The following UHRF2 variants were observed in gnomAD, a reference collection of about 807,000 sequenced individuals.
UHRF2 encodes ubiquitin like with PHD and ring finger domains 2, also known as E3 ubiquitin-protein ligase UHRF2.
UHRF2 carries 23 observed loss-of-function variants against 96.8 expected under a neutral mutation model. That is an observed-to-expected ratio of 0.24 (90% confidence interval 0.17 to 0.34). The LOEUF (loss-of-function observed/expected upper bound fraction) is 0.34, where lower values mean the gene tolerates loss of function less well. Among genes scored for constraint, UHRF2 ranks in the 10% least tolerant of loss-of-function variants. The pLI, the probability that UHRF2 is intolerant of heterozygous loss-of-function variation, is 1.00. For missense variants in UHRF2, 685 were observed against 981.5 expected, an observed-to-expected ratio of 0.70 and a Z score of 4.04; for synonymous variants, 385 against 332.6, an observed-to-expected ratio of 1.16 and a Z score of -1.72.
intron 1 of UHRF2, among the ~76,000 whole-genome samples, chr9:6,416,558 T>TC (rs1193298368): frequency 1.3e-5 from 2 of 148,694 alleles, no homozygotes; most frequent in Non-Finnish European, 3.0e-5. Context: ...TTTTTTTTTT[T>TC]TTGAGACGGA....
At chr9:6,431,541 A>G (rs1399625541) in intron 2 of UHRF2, among the ~76,000 whole-genome samples, 1 of 152,104 alleles carries the variant, frequency 6.6e-6, no homozygotes, top group African/African-American at 2.4e-5. Flanking sequence ...AGCTGTGATC[A>G]CACCACTGCA....
intron 7 of UHRF2, 81 bp downstream of exon 7, chr9:6,481,847 A>G (rs1823946862): frequency 1.3e-6 from 2 of 1,554,316 alleles, no homozygotes; most frequent in South Asian, 1.2e-5. Flanking sequence ...TAATGGTATA[A>G]AAGATTAAAC....
intron 3 of UHRF2, among the ~76,000 whole-genome samples, chr9:6,442,773 G>T (rs560018193): frequency 1.3e-4 from 20 of 152,082 alleles, no homozygotes; most frequent in African/African-American, 4.8e-4. Flanking sequence ...GTACAGGCCT[G>T]AGCCACTGTG....
chr9:6,486,395 C>G (rs768699780), intron 8 of UHRF2, among the ~76,000 whole-genome samples: 8 of 152,190 alleles, frequency 5.3e-5, no homozygotes, highest in Non-Finnish European at 1.2e-4. Flanking sequence ...ATAACTCCTG[C>G]ATTTTTGACT....
At chr9:6,471,567 C>T (rs1258386081) in intron 4 of UHRF2, among the ~76,000 whole-genome samples, 2 of 152,178 alleles carry the variant, frequency 1.3e-5, no homozygotes, top group African/African-American at 4.8e-5. Context: ...AAGCCAGTTG[C>T]ATGTGATGAG....
At chr9:6,419,160 C>G (rs1279115413) in intron 1 of UHRF2, among the ~76,000 whole-genome samples, 1 of 152,102 alleles carries the variant, frequency 6.6e-6, no homozygotes, top group Non-Finnish European at 1.5e-5. Flanking sequence ...AGGACTTTAA[C>G]AAAAAAATTT....
intron 1 of UHRF2, among the ~76,000 whole-genome samples, chr9:6,419,607 C>A (rs1475660587): frequency 6.6e-6 from 1 of 152,096 alleles, no homozygotes; most frequent in African/African-American, 2.4e-5. Flanking sequence ...CATAAAACAA[C>A]TTTGAAAATT....
At chr9:6,475,221 A>G (rs921368133) in intron 4 of UHRF2, among the ~76,000 whole-genome samples, 170 bp from the exon 5 acceptor site, 2 of 152,144 alleles carry the variant, frequency 1.3e-5, no homozygotes, top group Admixed American at 6.5e-5. Flanking sequence ...ACTAATCACT[A>G]TGGACTTTTC....
chr9:6,455,935 A>G (rs1388414853), intron 3 of UHRF2, among the ~76,000 whole-genome samples: 2 of 152,198 alleles, frequency 1.3e-5, no homozygotes, highest in East Asian at 3.9e-4. Flanking sequence ...AGCGGGCATG[A>G]TCACACCACT....
chr9:6,493,705 G>T, intron 9 of UHRF2, 121 bp from the exon 10 acceptor site: 2 of 791,100 alleles, frequency 2.5e-6, no homozygotes, highest in Non-Finnish European at 2.0e-6. Flanking sequence ...TATTTTGGGA[G>T]ATGCCTCAAG....
intron 3 of UHRF2, among the ~76,000 whole-genome samples, chr9:6,443,046 T>C (rs1821272694): frequency 6.6e-6 from 1 of 152,178 alleles, no homozygotes; most frequent in South Asian, 2.1e-4. Flanking sequence ...TCTATAAGAA[T>C]AAAAGTAAGC....
intron 2 of UHRF2, 40 bp from the exon 3 acceptor site, chr9:6,433,874 C>G: frequency 3.8e-6 from 6 of 1,576,592 alleles, no homozygotes; most frequent in South Asian, 2.3e-5. Context: ...AAGCAGTAGA[C>G]AAAATTAAGC....
At chr9:6,436,921 T>C (rs1820884689) in intron 3 of UHRF2, among the ~76,000 whole-genome samples, 1 of 152,168 alleles carries the variant, frequency 6.6e-6, no homozygotes. Context: ...GAACTTTCTT[T>C]GAAAAATGAA....
chr9:6,420,666 C>G (rs1819877524), intron 1 of UHRF2, among the ~76,000 whole-genome samples: 1 of 149,746 alleles, frequency 6.7e-6, no homozygotes. Context: ...AAGATCGTGC[C>G]ACTGCCCTCC....
intron 3 of UHRF2, among the ~76,000 whole-genome samples, chr9:6,454,267 A>G (rs1454999854): frequency 6.6e-6 from 1 of 152,248 alleles, no homozygotes; most frequent in African/African-American, 2.4e-5. Context: ...AAAATAGAAC[A>G]TCTTTTGAGT....
At chr9:6,491,645 T>A (rs983123048) in intron 9 of UHRF2, among the ~76,000 whole-genome samples, 1 of 152,252 alleles carries the variant, frequency 6.6e-6, no homozygotes, top group African/African-American at 2.4e-5. Context: ...ATGGCAAGAA[T>A]GTGAGCATCC....
At position 6,430,098 on chromosome 9, in the gene UHRF2, C is replaced by T. The variant is rs138563954; in HGVS notation, c.385-3816C>T. 9.0e-3 allele frequency among the ~76,000 whole-genome samples: 1,371 copies of T among 152,362 alleles called. 14 individuals are homozygous for T. Among genetic ancestry groups the T allele is most frequent in the Non-Finnish European group, 0.015 (1,035 of 68,026 alleles). On this transcript the variant is annotated intron_variant, in intron 2 of 15. Coordinates refer to ENST00000276893, the MANE Select transcript of UHRF2 (RefSeq NM_152896.3). ...CAATATTGGCCCATTACAACCTCCACCTCCTGGGTTCAAGTGATTGTCCTG... is the reference window on the plus strand; with the variant it reads ...CAATATTGGCCCATTACAACCTCCATCTCCTGGGTTCAAGTGATTGTCCTG...
chr9:6,429,170 A>G (rs1820436665), intron 2 of UHRF2, among the ~76,000 whole-genome samples: 1 of 151,790 alleles, frequency 6.6e-6, no homozygotes, highest in Non-Finnish European at 1.5e-5. Context: ...GTCTCAGGAA[A>G]AAAAAAAAAA....
At chr9:6,450,743 T>C (rs1821808143) in intron 3 of UHRF2, among the ~76,000 whole-genome samples, 1 of 152,252 alleles carries the variant, frequency 6.6e-6, no homozygotes, top group Admixed American at 6.5e-5. Flanking sequence ...GTCTCATCTT[T>C]AGCCTTTGGA....
Sources: allele counts gnomAD v4.1 joint callset (sites outside exome capture counted in the v4.1 genomes callset), GRCh38; gene constraint gnomAD v4.1.1; transcripts MANE v1.5; gene names NCBI Gene and HGNC (gene_info 2026-07-23, HGNC 2026-07-21).